The following ENO4 variants were observed in gnomAD, a reference collection of about 807,000 sequenced individuals.
The protein encoded by ENO4 is enolase 4, also known as 2-phospho-D-glycerate hydro-lyase.
Under a neutral mutation model 63.2 loss-of-function variants are expected in ENO4, and 53 were observed. The ratio of observed to expected loss-of-function variants is 0.84; its 90% CI spans 0.67 to 1.05. ENO4 has a LOEUF of 1.05. ENO4 is among the 50% of genes least tolerant of loss of function. The pLI, the probability that ENO4 is intolerant of heterozygous loss-of-function variation, is 0.00. For missense variants in ENO4, 719 were observed against 772.0 expected (o/e 0.93, Z 0.81); for synonymous variants, 266 against 283.8 (o/e 0.94, Z 0.63).
chr10:116,892,082 A>G (rs564533353), intron 10 of ENO4, among the ~76,000 whole-genome samples: 101 of 152,316 alleles, frequency 6.6e-4, no homozygotes, highest in African/African-American at 2.4e-3. Context: ...ATAGGTAACA[A>G]TGGCTGGGCA....
At chr10:116,903,774 C>T (rs1255210456) in intron 10 of ENO4, among the ~76,000 whole-genome samples, 1 of 152,132 alleles carries the variant, frequency 6.6e-6, no homozygotes, top group African/African-American at 2.4e-5. Flanking sequence ...TCTGAATACA[C>T]CAACACATTT....
chr10:116,876,326 AG>A, intron 11 of ENO4, 66 bp downstream of exon 11: 2 of 1,198,536 alleles, frequency 1.7e-6, no homozygotes, highest in South Asian at 3.5e-5. Context: ...AAAAATACAC[AG>A]CATATCAAAG....
Position 116,877,945 on chromosome 10 carries a change from G to A in ENO4, c.1538-1346G>A, listed in dbSNP as rs143494531. 1.8e-4 allele frequency among the ~76,000 whole-genome samples: 28 copies of A among 152,256 alleles called. No homozygotes were observed. The East Asian group carries it at 5.2e-3, about 28-fold the overall frequency. The stretch of plus-strand genomic sequence containing the variant: ...TTGACCACCTGTCTTTAAACATGCT[G>A]TTCCTTTGGACCAGAATGCTTTGCT... On this transcript the variant is annotated intron_variant, in intron 11 of 13. Transcript: ENST00000341276.
intron 7 of ENO4, among the ~76,000 whole-genome samples, chr10:116,866,562 G>A (rs1846552778): frequency 6.6e-6 from 1 of 152,160 alleles, no homozygotes; most frequent in Non-Finnish European, 1.5e-5. Context: ...GGTAGCACAT[G>A]CCTATAATCC....
chr10:116,854,421 G>A (rs1438785700), intron 1 of ENO4, among the ~76,000 whole-genome samples: 1 of 151,942 alleles, frequency 6.6e-6, no homozygotes, highest in African/African-American at 2.4e-5. Flanking sequence ...TTAGCCAGCC[G>A]TTTTGGTGCA....
chr10:116,856,415 T>C, intron 2 of ENO4, 77 bp from the exon 3 acceptor site: 2 of 1,226,632 alleles, frequency 1.6e-6, no homozygotes, highest in Non-Finnish European at 2.2e-6. Context: ...TTCATGCATG[T>C]TAAAAGCTGG....
At chr10:116,876,314 C>A (rs1846832618) in intron 11 of ENO4, 54 bp downstream of exon 11, 106 of 1,324,160 alleles carry the variant, frequency 8.0e-5, no homozygotes, top group Non-Finnish European at 1.1e-4. Context: ...ATACAAGAAA[C>A]CAAAAATACA....
intron 8 of ENO4, among the ~76,000 whole-genome samples, chr10:116,869,754 G>A (rs1338306092): frequency 1.4e-5 from 2 of 144,120 alleles, no homozygotes; most frequent in Non-Finnish European, 3.0e-5. Context: ...CCTGTAATAA[G>A]CTTTACTACT....
chr10:116,877,474 T>C (rs1846871347), intron 11 of ENO4, among the ~76,000 whole-genome samples: 1 of 152,224 alleles, frequency 6.6e-6, no homozygotes, highest in Admixed American at 6.5e-5. Flanking sequence ...GGGAATGGTC[T>C]ACTTGAGCAG....
At chr10:116,864,852 T>C (rs943156531) in intron 7 of ENO4, among the ~76,000 whole-genome samples, 3 of 152,108 alleles carry the variant, frequency 2.0e-5, no homozygotes, top group African/African-American at 7.2e-5. Flanking sequence ...AAACCCCGTC[T>C]CTACTAAAAA....
chr10:116,887,342 A>C (rs904101183), downstream of ENO4, among the ~76,000 whole-genome samples: 4 of 152,130 alleles, frequency 2.6e-5, no homozygotes, highest in African/African-American at 9.7e-5. Context: ...TCTCTGAAAC[A>C]CCCGAAGGTT....
chr10:116,893,473 C>T (rs1256424446), intron 10 of ENO4, among the ~76,000 whole-genome samples: 1 of 151,594 alleles, frequency 6.6e-6, no homozygotes, highest in Non-Finnish European at 1.5e-5. Context: ...GCAGTAACGT[C>T]CATGCAGTTC....
At position 116,876,351 on chromosome 10, in the gene ENO4, T is replaced by C. The variant is rs559807915; in HGVS notation, c.1537+91T>C. ...AGCATATCAAAGTTACTAAAAAGCA[T>C]GGGAGAAATCTTGGAAGAAAAGAAA... On this transcript the variant is annotated intron_variant, in intron 11 of 13. Transcript: ENST00000341276. 1.4e-5 allele frequency: 15 copies of C among 1,047,122 alleles called. No individual in the cohort carries two copies. The African/African-American group carries it at 2.3e-4, about 16-fold the overall frequency. 64.9% of individuals were successfully genotyped at this position (1,047,122 alleles called of 1,614,324 possible).
chr10:116,903,679 G>A (rs1847842820), intron 10 of ENO4, among the ~76,000 whole-genome samples: 2 of 152,128 alleles, frequency 1.3e-5, no homozygotes, highest in Non-Finnish European at 2.9e-5. Context: ...ATTTGCTTCT[G>A]ATCAGCTCTA....
chr10:116,890,052 T>A (rs1275108205), intron 10 of ENO4, among the ~76,000 whole-genome samples: 3 of 152,198 alleles, frequency 2.0e-5, no homozygotes, highest in Non-Finnish European at 4.4e-5. Context: ...ACTCTAGTAG[T>A]CATGGTGGCA....
chr10:116,853,227 G>A (rs1192480489), intron 1 of ENO4, among the ~76,000 whole-genome samples: 3 of 150,560 alleles, frequency 2.0e-5, no homozygotes, highest in Non-Finnish European at 4.4e-5. Flanking sequence ...CCCGGGAGGC[G>A]GAGCTTGCAG....
chr10:116,880,100 C>T (rs1412791603), intron 13 of ENO4, 114 bp downstream of exon 13: 3 of 735,016 alleles, frequency 4.1e-6, no homozygotes, highest in East Asian at 5.7e-5. Context: ...AAAGACCATA[C>T]ATAAGTGCTG....
intron 7 of ENO4, among the ~76,000 whole-genome samples, chr10:116,865,739 T>C (rs1046300384): frequency 2.0e-5 from 3 of 152,140 alleles, no homozygotes; most frequent in Non-Finnish European, 2.9e-5. Context: ...GAGCTGCTAC[T>C]GAGTGTCCTG....
downstream of ENO4, chr10:116,883,001 T>G (rs892706828): frequency 1.4e-5 from 2 of 144,142 alleles, no homozygotes; most frequent in Non-Finnish European, 3.0e-5. Flanking sequence ...CACACACACA[T>G]CATGAGACTA....
Sources: gnomAD v4.1 joint callset for allele counts (sites outside exome capture counted in the v4.1 genomes callset) on GRCh38, gnomAD v4.1.1 for gene constraint, MANE v1.5 for transcripts, NCBI Gene and HGNC (gene_info 2026-07-23, HGNC 2026-07-21) for gene names.